Variants in ARFGEF2 observed in about 807,000 individuals in gnomAD.
ARFGEF2 encodes the protein ARF guanine nucleotide exchange factor 2.
In ARFGEF2, 74 loss-of-function variants were observed where a neutral mutation model predicts 219.9. The ratio of observed to expected loss-of-function variants is 0.34; its 90% CI spans 0.28 to 0.41. The LOEUF (loss-of-function observed/expected upper bound fraction) is 0.41. Ranked by LOEUF, ARFGEF2 falls within the 10% of genes least tolerant of loss-of-function variation. The probability of loss-of-function intolerance (pLI) is 1.00; values close to 1 mark genes in which losing one functional copy is unlikely to be tolerated. For synonymous variants in ARFGEF2, 733 were observed against 799.2 expected, an observed-to-expected ratio of 0.92 and a Z score of 1.40; for missense variants, 1,743 against 2,218.3, an observed-to-expected ratio of 0.79 and a Z score of 4.30.
At chr20:48,965,092 C>T (rs907896193) in intron 7 of ARFGEF2, among the ~76,000 whole-genome samples, 1 of 152,072 alleles carries the variant, frequency 6.6e-6, no homozygotes, top group Non-Finnish European at 1.5e-5. Context: ...TATAGAAATG[C>T]CTGTAAAATA....
chr20:48,972,786 A>C (rs2091236416), intron 11 of ARFGEF2, among the ~76,000 whole-genome samples: 1 of 152,238 alleles, frequency 6.6e-6, no homozygotes, highest in African/African-American at 2.4e-5. Flanking sequence ...ACCTTACACT[A>C]TACAATTGTG....
chr20:48,990,672 C>G (rs773314876), intron 20 of ARFGEF2, among the ~76,000 whole-genome samples: 3 of 152,182 alleles, frequency 2.0e-5, no homozygotes, highest in Non-Finnish European at 2.9e-5. Flanking sequence ...TCTGAGACAC[C>G]AATTCATTTC....
At chr20:49,017,937 G>T (rs901569516) in intron 33 of ARFGEF2, among the ~76,000 whole-genome samples, 2 of 152,148 alleles carry the variant, frequency 1.3e-5, no homozygotes, top group Admixed American at 1.3e-4. Context: ...TCCCTTATCG[G>T]ACTCTCAGGT....
At chr20:48,937,383 A>G (rs2090965250) in intron 1 of ARFGEF2, among the ~76,000 whole-genome samples, 1 of 152,144 alleles carries the variant, frequency 6.6e-6, no homozygotes, top group African/African-American at 2.4e-5. Context: ...AGTGGAGAAG[A>G]CTTTTCAAGA....
At chr20:48,941,092 C>T in intron 1 of ARFGEF2, 107 bp from the exon 2 acceptor site, 1 of 1,009,982 alleles carries the variant, frequency 9.9e-7, no homozygotes. Context: ...TGTATTTAAA[C>T]ATCTCGTTAA....
chr20:48,960,277 A>G (rs2091138568), intron 6 of ARFGEF2, among the ~76,000 whole-genome samples: 1 of 152,266 alleles, frequency 6.6e-6, no homozygotes, highest in Non-Finnish European at 1.5e-5. Flanking sequence ...GTATTTGAAA[A>G]AGTACAGTCA....
intron 13 of ARFGEF2, among the ~76,000 whole-genome samples, chr20:48,975,078 G>A (rs1297278160): frequency 6.6e-6 from 1 of 152,192 alleles, no homozygotes; most frequent in Non-Finnish European, 1.5e-5. Context: ...CAAATACAGA[G>A]CCAGTTGCTC....
Position 48,973,337 on chromosome 20 carries a change from C to T in ARFGEF2, c.1665+53C>T. On this transcript the variant is annotated intron_variant, in intron 12 of 38. Transcript: ENST00000371917. ...ATTAAAGTTTATTCATTCCAATAAA[C>T]ATTTATTGAGTGCCACCACATGCCA... is the stretch of plus-strand genomic sequence containing the variant. 5 of 1,592,114 alleles carry T rather than the reference C, an allele frequency of 3.1e-6. No homozygotes were observed. The Admixed American group carries it at 6.7e-5, about 21-fold the overall frequency.
intron 31 of ARFGEF2, 100 bp from the exon 32 acceptor site, chr20:49,017,149 A>G (rs1214843090): frequency 3.3e-6 from 4 of 1,207,868 alleles, no homozygotes; most frequent in Non-Finnish European, 4.8e-6. Context: ...CTAGAAACTC[A>G]CCAGTTGCTG....
rs73623293 is a variant in ARFGEF2, at chr20:49,028,465, G to GT, written c.4925-64dup. 473,819 of 1,496,012 alleles carry GT rather than the reference G, an allele frequency of 0.32. 78,097 individuals carry two copies. Among genetic ancestry groups the GT allele is most frequent in the African/African-American group, 0.53 (38,008 of 72,290 alleles). The allele number at this position is 1,496,012 out of a possible 1,614,324, so 92.7% of individuals were successfully genotyped here. ...ATTTCATAAAATAACTAGATTTCTA[G>GT]TCATACACAGTTATCAGCATTATCT... On this transcript the variant is annotated intron_variant, in intron 36 of 38. Transcript: ENST00000371917.
intron 3 of ARFGEF2, among the ~76,000 whole-genome samples, chr20:48,950,441 T>C (rs959207868): frequency 1.3e-5 from 2 of 152,092 alleles, no homozygotes; most frequent in African/African-American, 4.8e-5. Flanking sequence ...TATTCATATA[T>C]ATATATAATT....
At chr20:48,984,950 AC>A in intron 15 of ARFGEF2, 110 bp downstream of exon 15, 24 of 1,568,240 alleles carry the variant, frequency 1.5e-5, no homozygotes, top group Non-Finnish European at 2.1e-5. Context: ...TCTGTTGTCC[AC>A]CCCCGGGTTA....
At chr20:48,970,674 A>G (rs2091221239) in intron 9 of ARFGEF2, among the ~76,000 whole-genome samples, 1 of 152,230 alleles carries the variant, frequency 6.6e-6, no homozygotes, top group Non-Finnish European at 1.5e-5. Context: ...GTTCATGAAA[A>G]TGTACCATTT....
chr20:48,967,426 C>A (rs1196241348), intron 8 of ARFGEF2, among the ~76,000 whole-genome samples: 1 of 152,088 alleles, frequency 6.6e-6, no homozygotes, highest in Admixed American at 6.6e-5. Flanking sequence ...ACTCTTAATT[C>A]TTTCTTAGGA....
chr20:48,998,261 T>C (rs1483678992), intron 24 of ARFGEF2, 28 bp downstream of exon 24: 3 of 1,614,182 alleles, frequency 1.9e-6, no homozygotes, highest in Admixed American at 3.3e-5. Context: ...CTGTGAAAAC[T>C]GCAGAAGCCT....
chr20:48,963,822 G>A lies in ARFGEF2; in HGVS notation c.839-8G>A. The A allele has an allele frequency of 5.6e-6, 9 of 1,613,678 alleles. No individual in the cohort carries two copies. Among genetic ancestry groups the A allele is most frequent in the Non-Finnish European group, 7.6e-6 (9 of 1,179,654 alleles). On this transcript the variant is annotated splice_region_variant and splice_polypyrimidine_tract_variant and intron_variant, in intron 6 of 38. Transcript: ENST00000371917. Reference sequence around the variant, plus strand: ...ACGTGTGTTTTGTATATTTGGATGTGTGTGTAGGGACTGATGACGGAGCCC... The same window carrying A: ...ACGTGTGTTTTGTATATTTGGATGTATGTGTAGGGACTGATGACGGAGCCC...
chr20:48,954,573 A>G (rs531642904), intron 6 of ARFGEF2, among the ~76,000 whole-genome samples: 1 of 152,208 alleles, frequency 6.6e-6, no homozygotes, highest in East Asian at 1.9e-4. Flanking sequence ...TTCTTCAGCC[A>G]CATTACTGAT....
At chr20:48,953,901 T>C in intron 6 of ARFGEF2, 111 bp downstream of exon 6, 1 of 1,086,784 alleles carries the variant, frequency 9.2e-7, no homozygotes, top group Non-Finnish European at 1.4e-6. Context: ...GATAACAGCT[T>C]ATCTCTTTCT....
chr20:48,968,024 C>T (rs2091199565), intron 8 of ARFGEF2, among the ~76,000 whole-genome samples: 2 of 152,070 alleles, frequency 1.3e-5, no homozygotes, highest in South Asian at 2.1e-4. Flanking sequence ...GTTGGAGTCT[C>T]GCTCTGTTGC....
Sources: allele counts gnomAD v4.1 joint callset (sites outside exome capture counted in the v4.1 genomes callset), GRCh38; gene constraint gnomAD v4.1.1; transcripts MANE v1.5; gene names NCBI Gene and HGNC (gene_info 2026-07-23, HGNC 2026-07-21).